SLC17A1: variants seen among roughly 807,000 people sequenced by gnomAD.
The protein encoded by SLC17A1 is solute carrier family 17 member 1.
Under a neutral mutation model 53.5 loss-of-function variants are expected in SLC17A1, and 51 were observed. The ratio of observed to expected loss-of-function variants is 0.95; its 90% CI spans 0.76 to 1.20. The LOEUF (loss-of-function observed/expected upper bound fraction) is 1.20. Among genes scored for constraint, SLC17A1 ranks in the 50% most tolerant of loss-of-function variants. The pLI is 0.00. For synonymous variants in SLC17A1, 179 were observed against 198.8 expected (o/e 0.90, Z 0.84); for missense variants, 538 against 568.2 (o/e 0.95, Z 0.54).
the SLC17A1 span, among the ~76,000 whole-genome samples, chr6:25,748,813 G>A: frequency 6.6e-6 from 1 of 152,238 alleles, no homozygotes; most frequent in African/African-American, 2.4e-5. Flanking sequence ...GTGCACGTAA[G>A]CCAGATTTAT....
intron 10 of SLC17A1, among the ~76,000 whole-genome samples, chr6:25,807,470 T>C (rs769633134): frequency 6.6e-6 from 1 of 151,964 alleles, no homozygotes; most frequent in Non-Finnish European, 1.5e-5. Flanking sequence ...TTTAAAATTA[T>C]TATTTCAATA....
At chr6:25,785,208 CTT>C (rs1199280137) in intron 12 of SLC17A1, among the ~76,000 whole-genome samples, 1 of 152,028 alleles carries the variant, frequency 6.6e-6, no homozygotes, top group African/African-American at 2.4e-5. Flanking sequence ...AGAGTACAAA[CTT>C]ATATTCGAAA....
intron 12 of SLC17A1, among the ~76,000 whole-genome samples, chr6:25,794,149 C>T (rs1339397023): frequency 6.6e-6 from 1 of 152,180 alleles, no homozygotes; most frequent in Non-Finnish European, 1.5e-5. Context: ...CTGAATCATG[C>T]ATTTGCATAA....
the SLC17A1 span, among the ~76,000 whole-genome samples, chr6:25,745,277 G>A: frequency 6.6e-6 from 1 of 152,100 alleles, no homozygotes; most frequent in Admixed American, 6.5e-5. Flanking sequence ...AATGTTAGTG[G>A]AAGTTTTTAC....
the SLC17A1 span, chr6:25,732,407 G>T: frequency 3.7e-6 from 1 of 268,110 alleles, no homozygotes; most frequent in Non-Finnish European, 7.2e-6. Flanking sequence ...CCGTTTTAAC[G>T]GGTGTCTTTT....
At chr6:25,727,001 C>T in the SLC17A1 span, 2 of 1,614,160 alleles carry the variant, frequency 1.2e-6, no homozygotes, top group Admixed American at 1.7e-5. Context: ...GCAAAAAGCG[C>T]AAGAGGACCC....
chr6:25,806,046 A>G (rs530771027), intron 10 of SLC17A1, among the ~76,000 whole-genome samples: 80 of 152,290 alleles, frequency 5.3e-4, no homozygotes, highest in African/African-American at 1.9e-3. Flanking sequence ...TATCACCCTG[A>G]TACCAAAATC....
the SLC17A1 span, chr6:25,726,754 C>T: frequency 2.0e-5 from 23 of 1,122,988 alleles, no homozygotes; most frequent in South Asian, 1.2e-4. Flanking sequence ...CTATAAATAC[C>T]GCATCTTTCA....
At chr6:25,774,446 G>A in the SLC17A1 span, among the ~76,000 whole-genome samples, 2 of 152,174 alleles carry the variant, frequency 1.3e-5, no homozygotes, top group Non-Finnish European at 2.9e-5. Flanking sequence ...AATGTGCTAA[G>A]TAGCCAACAG....
chr6:25,805,804 C>G (rs115033195), intron 10 of SLC17A1, among the ~76,000 whole-genome samples: 1,895 of 152,070 alleles, frequency 0.012, 17 homozygotes, highest in Middle Eastern at 0.037. Context: ...TACAACCCTT[C>G]TAGATTAAAT....
chr6:25,815,325 A>T (rs376322109), intron 6 of SLC17A1, among the ~76,000 whole-genome samples: 1 of 152,064 alleles, frequency 6.6e-6, no homozygotes, highest in African/African-American at 2.4e-5. Context: ...TCTTAAAATT[A>T]ATAATAAACC....
Position 25,798,788 on chromosome 6 carries a change from G to A in SLC17A1, c.1401C>T (p.Leu467=), listed in dbSNP as rs201637480. ...TTAATCTGATCACTTCTCACCTTCA[G>A]AGACGTGTGTGTTGTTTTTCTTTAG... ...DWAKEKQHTR[L] Residue 467 remains leucine (L), a synonymous_variant, in exon 12 of 13, where the codon CTC becomes CTT. Coordinates refer to ENST00000244527, the MANE Select transcript of SLC17A1 (RefSeq NM_005074.5). The A allele has an allele frequency of 6.9e-5, 111 of 1,606,722 alleles. No individual in the cohort carries two copies. In the Admixed American group the frequency reaches 1.8e-3, roughly 26 times the overall value.
chr6:25,744,830 G>T, the SLC17A1 span, among the ~76,000 whole-genome samples: 1 of 152,112 alleles, frequency 6.6e-6, no homozygotes, highest in East Asian at 1.9e-4. Context: ...TCTTAATAAT[G>T]TAGATTAAAC....
chr6:25,775,710 G>T, the SLC17A1 span, among the ~76,000 whole-genome samples: 4 of 152,136 alleles, frequency 2.6e-5, no homozygotes. Flanking sequence ...TTACAGGTGT[G>T]AGCCACCATG....
chr6:25,726,850 G>A, the SLC17A1 span: 1,005 of 1,544,282 alleles, frequency 6.5e-4, no homozygotes, highest in Non-Finnish European at 8.1e-4. Context: ...TTGAGCACTG[G>A]AAAGTGCTGT....
At chr6:25,787,622 A>G (rs1163341997) in intron 12 of SLC17A1, among the ~76,000 whole-genome samples, 2 of 152,234 alleles carry the variant, frequency 1.3e-5, no homozygotes, top group Non-Finnish European at 2.9e-5. Flanking sequence ...TTGTCAAAAG[A>G]TTACAGTTTC....
At chr6:25,758,417 A>G in the SLC17A1 span, among the ~76,000 whole-genome samples, 19 of 152,342 alleles carry the variant, frequency 1.2e-4, no homozygotes, top group African/African-American at 4.6e-4. Context: ...TTGTTGTAAC[A>G]CATGTAAACA....
At chr6:25,726,885 A>G in the SLC17A1 span, 3 of 1,597,168 alleles carry the variant, frequency 1.9e-6, no homozygotes, top group Admixed American at 1.7e-5. Context: ...GAACCGTGTA[A>G]CGCTGCAGAA....
At chr6:25,747,060 A>G in the SLC17A1 span, among the ~76,000 whole-genome samples, 1 of 152,202 alleles carries the variant, frequency 6.6e-6, no homozygotes, top group Non-Finnish European at 1.5e-5. Context: ...AAAGCAGTTC[A>G]CCAACAATAT....
Sources: gnomAD v4.1 joint callset for allele counts (sites outside exome capture counted in the v4.1 genomes callset) on GRCh38, gnomAD v4.1.1 for gene constraint, MANE v1.5 for transcripts, NCBI Gene and HGNC (gene_info 2026-07-23, HGNC 2026-07-21) for gene names.